The following FIGNL1 variants were observed in gnomAD, a reference collection of about 807,000 sequenced individuals.
FIGNL1 encodes the protein fidgetin-like protein 1.
In FIGNL1, 11 loss-of-function variants were observed where a neutral mutation model predicts 28.9. The ratio of observed to expected loss-of-function variants is 0.38; its 90% CI spans 0.24 to 0.63. The LOEUF (loss-of-function observed/expected upper bound fraction) is 0.63, where lower values mean the gene tolerates loss of function less well. Ranked by LOEUF, FIGNL1 falls within the 20% of genes least tolerant of loss-of-function variation. The probability of loss-of-function intolerance (pLI) is 0.57; values close to 1 mark genes in which losing one functional copy is unlikely to be tolerated. For synonymous variants in FIGNL1, 295 were observed against 276.5 expected (o/e 1.07, Z -0.66); for missense variants, 789 against 810.4 (o/e 0.97, Z 0.32).
At position 50,446,485 on chromosome 7, in the gene FIGNL1, G is replaced by A; in HGVS notation, c.803C>T (p.Ala268Val). The A allele has an allele frequency of 6.2e-7, 1 of 1,614,178 alleles. No individual in the cohort carries two copies. The highest frequency in any genetic ancestry group is 8.5e-7 in the Non-Finnish European group (1 of 1,180,042). The part of the protein sequence containing the change: ...KSFYGSGTID[A>V]LSNPILNKAC... ...CTTATTCAGTATTGGATTGGAAAGTGCATCAATGGTGCCAGAACCATAAAA... is the reference window on the plus strand; with the variant it reads ...CTTATTCAGTATTGGATTGGAAAGTACATCAATGGTGCCAGAACCATAAAA... The change falls in exon 4 of 4, where the codon GCA becomes GTA. Residue 268 changes from alanine to valine, a missense_variant. By Grantham distance (64) the Ala-to-Val change is moderately conservative (BLOSUM62 0). Coordinates refer to ENST00000433017, the MANE Select transcript of FIGNL1 (RefSeq NM_001287492.4).
rs1229990959 is a variant in FIGNL1 at position 50,445,870 on chromosome 7, T to C, written c.1418A>G (p.Lys473Arg). The C allele has an allele frequency of 6.2e-7, 1 of 1,614,080 alleles. No homozygotes were observed. Among genetic ancestry groups the C allele is most frequent in the Admixed American group, 1.7e-5 (1 of 60,020 alleles). The change falls in exon 4 of 4, where the codon AAA becomes AGA. Residue 473 changes from lysine (K) to arginine (R), a missense_variant. Lys to Arg is a conservative substitution (Grantham distance 26). Coordinates refer to ENST00000433017, the MANE Select transcript of FIGNL1 (RefSeq NM_001287492.4). Reference sequence around the variant, plus strand: ...CATTTTCTCCCCCTCACCTACCCATTTAGAAGTTAAGGATGAAGCAGAGAT... The same window carrying C: ...CATTTTCTCCCCCTCACCTACCCATCTAGAAGTTAAGGATGAAGCAGAGAT... The part of the protein sequence containing the change: ...FSISASSLTS[K>R]WVGEGEKMVR...
chr7:50,448,601 T>C (rs1176771134), intron 2 of FIGNL1: 2 of 152,226 alleles, frequency 1.3e-5, no homozygotes, highest in East Asian at 3.8e-4. Flanking sequence ...TTTACTTACA[T>C]ATCCACAAGA....
chr7:50,445,486 T>G lies in FIGNL1; in HGVS notation c.1802A>C (p.Asp601Ala), dbSNP rs752421945. 5 of 1,614,154 alleles carry G rather than the reference T, an allele frequency of 3.1e-6. No individual in the cohort carries two copies. Among genetic ancestry groups the G allele is most frequent in the Non-Finnish European group, 4.2e-6 (5 of 1,180,012 alleles). The part of the protein sequence containing the change: ...EEIEQIVQQS[D>A]AFSGADMTQL... ...TGTCATGTCTGCTCCTGAAAACGCA[T>G]CAGACTGCTGTACAATCTGTTCAAT... Residue 601 changes from aspartate to alanine, a missense_variant, in exon 4 of 4, where the codon GAT becomes GCT. By Grantham distance (126) the Asp-to-Ala change is moderately radical. Coordinates refer to ENST00000433017, the MANE Select transcript of FIGNL1 (RefSeq NM_001287492.4).
In FIGNL1 at chr7:50,445,644, T is replaced by C. The variant is rs778633646; in HGVS notation, c.1644A>G (p.Pro548=). ...TCCGGGCAGCCTCATCAATTTCTTG[T>C]GGCCGATTTGTTGCTCCCACCACTA... ...RILVVGATNR[P]QEIDEAARRR... is the part of the protein sequence containing the mutation. The change falls in exon 4 of 4, where the codon CCA becomes CCG. Residue 548 remains proline, a synonymous_variant. Transcript: ENST00000433017. 1 of 1,614,146 alleles carries C rather than the reference T, an allele frequency of 6.2e-7. No homozygotes were observed. Among genetic ancestry groups the C allele is most frequent in the Non-Finnish European group, 8.5e-7 (1 of 1,180,026 alleles).
In FIGNL1 at chr7:50,444,723, C is replaced by T. The variant is rs957785863; in HGVS notation, c.*540G>A. On this transcript the variant is annotated 3_prime_UTR_variant, in exon 4 of 4. Transcript: ENST00000433017. ...GAATCTAATACTAGATCACACCTTG[C>T]TATTTCTGAAAATGTTAGTCCTGAT... is the stretch of plus-strand genomic sequence containing the variant. The T allele has an allele frequency of 2.0e-5, 3 of 152,200 alleles. No individual in the cohort carries two copies. Among genetic ancestry groups the T allele is most frequent in the East Asian group, 3.9e-4 (2 of 5,190 alleles). 9.4% of individuals were successfully genotyped at this position (152,200 alleles called of 1,614,324 possible).
At position 50,445,858 on chromosome 7, in the gene FIGNL1, T is replaced by C; in HGVS notation, c.1430A>G (p.Glu477Gly). The C allele has an allele frequency of 6.2e-7, 1 of 1,614,122 alleles. No homozygotes were observed. Among genetic ancestry groups the C allele is most frequent in the Non-Finnish European group, 8.5e-7 (1 of 1,180,038 alleles). ...CAATGCACGGACCATTTTCTCCCCC[T>C]CACCTACCCATTTAGAAGTTAAGGA... Reference protein sequence around the residue: ...ASSLTSKWVGEGEKMVRALFA... With the variant: ...ASSLTSKWVGGGEKMVRALFA... Residue 477 changes from glutamate to glycine, a missense_variant, in exon 4 of 4, where the codon GAG becomes GGG. Glu to Gly is a moderately conservative substitution (Grantham distance 98). Coordinates refer to ENST00000433017, the MANE Select transcript of FIGNL1 (RefSeq NM_001287492.4).
rs1158299520 is a variant in FIGNL1 at position 50,445,233 on chromosome 7, A to G, written c.*30T>C. ...GCTAAAAAATAAAGAAGACTGTACT[A>G]CAGAGATGCCTTGATTCCAAGTATC... On this transcript the variant is annotated 3_prime_UTR_variant, in exon 4 of 4. Transcript: ENST00000433017. 2.9e-6 allele frequency: 4 copies of G among 1,403,176 alleles called. No individual in the cohort carries two copies. In the Admixed American group the frequency reaches 9.2e-5, roughly 32 times the overall value. The allele number at this position is 1,403,176 out of a possible 1,614,324, so 86.9% of individuals were successfully genotyped here.
chr7:50,446,637 G>T lies in FIGNL1; in HGVS notation c.651C>A (p.Val217=), dbSNP rs1332041058. 3 of 1,614,048 alleles carry T rather than the reference G, an allele frequency of 1.9e-6. No individual in the cohort carries two copies. The highest frequency in any genetic ancestry group is 2.5e-6 in the Non-Finnish European group (3 of 1,180,032). Residue 217 remains valine, a synonymous_variant, in exon 4 of 4, where the codon GTC becomes GTA. Coordinates refer to ENST00000433017, the MANE Select transcript of FIGNL1 (RefSeq NM_001287492.4). ...TTTTGACATTTCCAAACAATGGTGT[G>T]ACATGGAATTTTGCAGTAGCTGACT... is the stretch of plus-strand genomic sequence containing the variant. ...VGESATAKFH[V]TPLFGNVKKE... is the part of the protein sequence containing the mutation.
rs757108738 is a variant in FIGNL1 at position 50,446,135 on chromosome 7, C to T, written c.1153G>A (p.Glu385Lys). 4 of 1,614,176 alleles carry T rather than the reference C, an allele frequency of 2.5e-6. No individual in the cohort carries two copies. The highest frequency in any genetic ancestry group is 3.4e-6 in the Non-Finnish European group (4 of 1,180,038). ...TCCATAATCTCATTCATAATAAGTTCAATCATCTTTGGCTCCAAGTTCTTC... is the reference window on the plus strand; with the variant it reads ...TCCATAATCTCATTCATAATAAGTTTAATCATCTTTGGCTCCAAGTTCTTC... ...RLKNLEPKMI[E>K]LIMNEIMDHG... Residue 385 changes from glutamate (E) to lysine (K), a missense_variant, in exon 4 of 4, where the codon GAA (glutamate) becomes AAA (lysine). Transcript: ENST00000433017.
chr7:50,448,843 A>G (rs948647852), intron 2 of FIGNL1: 2 of 152,256 alleles, frequency 1.3e-5, no homozygotes, highest in Non-Finnish European at 2.9e-5. Context: ...CTTAAGATCC[A>G]GAGCTTTAAA....
rs1210958309 is a variant in FIGNL1 at position 50,445,882 on chromosome 7, G to C, written c.1406C>G (p.Ser469Cys). ...GATFFSISAS[S>C]LTSKWVGEGE... Reference sequence around the variant, plus strand: ...CTCACCTACCCATTTAGAAGTTAAGGATGAAGCAGAGATGCTAAAGAATGT... The same window carrying C: ...CTCACCTACCCATTTAGAAGTTAAGCATGAAGCAGAGATGCTAAAGAATGT... Residue 469 changes from serine (S) to cysteine (C), a missense_variant, in exon 4 of 4, where the codon TCC becomes TGC. Coordinates refer to ENST00000433017, the MANE Select transcript of FIGNL1 (RefSeq NM_001287492.4). The C allele has an allele frequency of 4.3e-6, 7 of 1,614,142 alleles. No individual in the cohort carries two copies. Among genetic ancestry groups the C allele is most frequent in the Non-Finnish European group, 5.9e-6 (7 of 1,180,034 alleles).
At chr7:50,448,093 A>T (rs1037350) in intron 3 of FIGNL1, 88 bp downstream of exon 3, 3 of 152,202 alleles carry the variant, frequency 2.0e-5, no homozygotes, top group Non-Finnish European at 2.9e-5. Context: ...AATCAAATCA[A>T]GCAATGACTA....
intron 3 of FIGNL1, among the ~76,000 whole-genome samples, chr7:50,447,808 C>G (rs1443353835): frequency 6.6e-6 from 1 of 152,204 alleles, no homozygotes; most frequent in Non-Finnish European, 1.5e-5. Context: ...GCGCTCTCAG[C>G]TCACTGCAAC....
In FIGNL1 at chr7:50,446,370, C is replaced by G. The variant is rs1187908961; in HGVS notation, c.918G>C (p.Gln306His). The G allele has an allele frequency of 1.2e-6, 2 of 1,614,044 alleles. No homozygotes were observed. Among genetic ancestry groups the G allele is most frequent in the Non-Finnish European group, 1.7e-6 (2 of 1,179,984 alleles). The change falls in exon 4 of 4, where the codon CAG becomes CAC. Residue 306 changes from glutamine to histidine, a missense_variant. By Grantham distance (24) the Gln-to-His change is conservative. Coordinates refer to ENST00000433017, the MANE Select transcript of FIGNL1 (RefSeq NM_001287492.4). ...KTAKEQLWVDQQKKYHQPQRA... is the reference protein window; with the variant it reads ...KTAKEQLWVDHQKKYHQPQRA... The stretch of plus-strand genomic sequence containing the variant: ...GCTGAGGTTGGTGGTACTTTTTTTG[C>G]TGATCTACCCATAATTGTTCTTTTG...
rs1475252788 is a variant in FIGNL1 at position 50,447,001 on chromosome 7, T to C, written c.287A>G (p.Asp96Gly). The C allele has an allele frequency of 6.2e-7, 1 of 1,614,232 alleles. No individual in the cohort carries two copies. The highest frequency in any genetic ancestry group is 8.5e-7 in the Non-Finnish European group (1 of 1,180,020). The change falls in exon 4 of 4, where the codon GAT (aspartate) becomes GGT (glycine). Residue 96 changes from aspartate to glycine, a missense_variant. Asp to Gly is a moderately conservative substitution (Grantham distance 94). Coordinates refer to ENST00000433017, the MANE Select transcript of FIGNL1 (RefSeq NM_001287492.4). ...ILTLAGSQQT[D>G]SDKWQSGLSI... ...CAATCCAGACTGCCACTTGTCACTA[T>C]CTGTTTGTTGAGATCCTGCCAAAGT...
Position 50,446,824 on chromosome 7 carries a change from CCACA to C in FIGNL1, c.460_463del (p.Cys154ValfsTer28). ...TAATGAGTCACTCTCTTGAGAACTA[CCACA>C]AACACTAAATTTAGGAAGATCAAAG... On this transcript the variant is annotated frameshift_variant, in exon 4 of 4. Transcript: ENST00000433017. LOFTEE classifies it low-confidence loss of function (END_TRUNC). The C allele has an allele frequency of 6.2e-7, 1 of 1,614,088 alleles. No homozygotes were observed. The highest frequency in any genetic ancestry group is 8.5e-7 in the Non-Finnish European group (1 of 1,180,036).
rs1193262548 is a variant in FIGNL1 at position 50,446,111 on chromosome 7, C to A, written c.1177G>T (p.Asp393Tyr). ...TCCCAATTTACTGGAGGTCCATGAT[C>A]CATAATCTCATTCATAATAAGTTCA... ...MIELIMNEIM[D>Y]HGPPVNWEDI... The change falls in exon 4 of 4, where the codon GAT becomes TAT. Residue 393 changes from aspartate to tyrosine, a missense_variant. Asp to Tyr is a radical substitution (Grantham distance 160). Transcript: ENST00000433017. The A allele has an allele frequency of 1.2e-6, 2 of 1,614,062 alleles. No homozygotes were observed. The highest frequency in any genetic ancestry group is 1.7e-5 in the Admixed American group (1 of 60,000).
In FIGNL1 at chr7:50,446,285, C is replaced by T; in HGVS notation, c.1003G>A (p.Gly335Arg). 6.2e-7 allele frequency: 1 copy of T among 1,614,170 alleles called. No individual in the cohort carries two copies. Among genetic ancestry groups the T allele is most frequent in the Non-Finnish European group, 8.5e-7 (1 of 1,180,034 alleles). ...GGAGGAACAAACTTTCCAAGTATCCCTCGGGATCTACTAGCTCCTAGAGAC... is the reference window on the plus strand; with the variant it reads ...GGAGGAACAAACTTTCCAAGTATCCTTCGGGATCTACTAGCTCCTAGAGAC... ...KKSLGASRSR[G>R]ILGKFVPPIP... Residue 335 changes from glycine (G) to arginine (R), a missense_variant, in exon 4 of 4, where the codon GGG becomes AGG. Transcript: ENST00000433017.
Position 50,446,613 on chromosome 7 carries a change from T to C in FIGNL1, c.675A>G (p.Lys225=). 2 of 1,614,198 alleles carry C rather than the reference T, an allele frequency of 1.2e-6. No homozygotes were observed. The highest frequency in any genetic ancestry group is 3.3e-5 in the Admixed American group (2 of 60,030). ...FHVTPLFGNV[K]KENHSSAKEN... is the part of the protein sequence containing the mutation. ...CTTTTGCAGAGCTGTGATTTTCCTT[T>C]TTGACATTTCCAAACAATGGTGTGA... Residue 225 remains lysine (K), a synonymous_variant, in exon 4 of 4, where the codon AAA becomes AAG. Transcript: ENST00000433017.
Sources: gnomAD v4.1 joint callset for allele counts (sites outside exome capture counted in the v4.1 genomes callset) on GRCh38, gnomAD v4.1.1 for gene constraint, MANE v1.5 for transcripts, NCBI Gene and HGNC (gene_info 2026-07-23, HGNC 2026-07-21) for gene names.